Variants in MAF observed in about 807,000 individuals in gnomAD.
MAF encodes transcription factor Maf.
In MAF, 10 loss-of-function variants were observed where a neutral mutation model predicts 22.0. The ratio of observed to expected loss-of-function variants is 0.45; its 90% CI spans 0.28 to 0.77. The LOEUF (loss-of-function observed/expected upper bound fraction) is 0.77. Ranked by LOEUF, MAF falls within the 30% of genes least tolerant of loss-of-function variation. The pLI is 0.12. For missense variants in MAF, 544 were observed against 548.4 expected, an observed-to-expected ratio of 0.99 and a Z score of 0.08; for synonymous variants, 337 against 255.8, an observed-to-expected ratio of 1.32 and a Z score of -3.03.
At chr16:79,572,817 T>C in the MAF span, among the ~76,000 whole-genome samples, 43 of 152,276 alleles carry the variant, frequency 2.8e-4, no homozygotes, top group African/African-American at 9.1e-4. Context: ...TCCAGCTATA[T>C]CCAAAGTGCT....
At chr16:79,427,065 T>C in the MAF span, among the ~76,000 whole-genome samples, 1 of 152,198 alleles carries the variant, frequency 6.6e-6, no homozygotes, top group Admixed American at 6.5e-5. Flanking sequence ...CACCGAAAAG[T>C]CCAGAGTGAC....
the MAF span, among the ~76,000 whole-genome samples, chr16:79,454,250 G>A: frequency 6.6e-6 from 1 of 152,166 alleles, no homozygotes; most frequent in Non-Finnish European, 1.5e-5. Context: ...AAGCCCATAA[G>A]CCCTCAGGGC....
chr16:79,529,961 CA>C, the MAF span, among the ~76,000 whole-genome samples: 97,224 of 145,152 alleles, frequency 0.67, 35,517 homozygotes, highest in Non-Finnish European at 0.82. Context: ...AACTCCATCT[CA>C]AAAAAAAAAA....
chr16:79,282,955 C>G, the MAF span, among the ~76,000 whole-genome samples: 1 of 152,134 alleles, frequency 6.6e-6, no homozygotes. Flanking sequence ...GCAAAAATGA[C>G]AAGTTAGGAA....
At chr16:79,241,552 C>A in the MAF span, among the ~76,000 whole-genome samples, 1 of 151,786 alleles carries the variant, frequency 6.6e-6, no homozygotes, top group Admixed American at 6.6e-5. Context: ...GTGAAAAGAC[C>A]AAATCTACAT....
the MAF span, among the ~76,000 whole-genome samples, chr16:79,579,692 T>A: frequency 6.6e-6 from 1 of 152,194 alleles, no homozygotes; most frequent in Non-Finnish European, 1.5e-5. Flanking sequence ...CTCACTGCCT[T>A]CTCAATAGCT....
chr16:79,437,670 C>T, the MAF span, among the ~76,000 whole-genome samples: 2 of 152,076 alleles, frequency 1.3e-5, no homozygotes, highest in Non-Finnish European at 2.9e-5. Flanking sequence ...GTGGAGGGGA[C>T]TGGCCTCTGA....
At chr16:79,338,403 T>C in the MAF span, among the ~76,000 whole-genome samples, 1 of 152,174 alleles carries the variant, frequency 6.6e-6, no homozygotes, top group Admixed American at 6.5e-5. Context: ...AGATTTGCTT[T>C]TTAGAAATGT....
the MAF span, among the ~76,000 whole-genome samples, chr16:79,573,644 G>C: frequency 6.6e-6 from 1 of 152,110 alleles, no homozygotes; most frequent in Non-Finnish European, 1.5e-5. Flanking sequence ...ATAGATATTT[G>C]TTCAATGAAA....
At chr16:79,355,873 T>C in the MAF span, among the ~76,000 whole-genome samples, 1 of 152,184 alleles carries the variant, frequency 6.6e-6, no homozygotes, top group Non-Finnish European at 1.5e-5. Context: ...CAGAGGGAGA[T>C]GAGGCTCTTT....
At chr16:79,211,681 A>G in the MAF span, 1 of 1,614,212 alleles carries the variant, frequency 6.2e-7, no homozygotes, top group Non-Finnish European at 8.5e-7. Context: ...ATGTACTTCA[A>G]CAACTGCTGC....
chr16:79,487,635 C>T, the MAF span, among the ~76,000 whole-genome samples: 9 of 152,196 alleles, frequency 5.9e-5, no homozygotes, highest in East Asian at 1.2e-3. Context: ...ATATACCCTT[C>T]GGGGAAAAAA....
chr16:79,525,629 A>G, the MAF span, among the ~76,000 whole-genome samples: 2 of 152,250 alleles, frequency 1.3e-5, no homozygotes, highest in East Asian at 3.9e-4. Flanking sequence ...TTTTATTGCT[A>G]ATGGTTTTTA....
chr16:79,313,299 A>G, the MAF span, among the ~76,000 whole-genome samples: 1 of 152,164 alleles, frequency 6.6e-6, no homozygotes. Context: ...AGGGGGAAGA[A>G]AAAAAGTCCT....
the MAF span, among the ~76,000 whole-genome samples, chr16:79,570,042 C>T: frequency 1.8e-3 from 241 of 136,650 alleles, 3 homozygotes; most frequent in African/African-American, 6.6e-3. Flanking sequence ...GATCTTTCTT[C>T]CATTGATTTA....
chr16:79,229,916 A>G, the MAF span, among the ~76,000 whole-genome samples: 2 of 152,034 alleles, frequency 1.3e-5, no homozygotes, highest in African/African-American at 2.4e-5. Context: ...TCGTTTTTAT[A>G]GGCCTTTTGC....
At chr16:79,363,940 C>A in the MAF span, among the ~76,000 whole-genome samples, 1 of 152,148 alleles carries the variant, frequency 6.6e-6, no homozygotes, top group African/African-American at 2.4e-5. Context: ...GGAGATGCTA[C>A]CCATCCAGCC....
At chr16:79,291,052 G>T in the MAF span, among the ~76,000 whole-genome samples, 4 of 152,128 alleles carry the variant, frequency 2.6e-5, no homozygotes, top group East Asian at 7.7e-4. Flanking sequence ...GGTCTGTGAA[G>T]AGACTGCTTT....
chr16:79,306,828 T>C, the MAF span, among the ~76,000 whole-genome samples: 40 of 152,314 alleles, frequency 2.6e-4, 1 homozygote, highest in South Asian at 7.9e-3. Flanking sequence ...ACAAGCTACG[T>C]ACATTTCTGT....
Sources: allele counts gnomAD v4.1 joint callset (sites outside exome capture counted in the v4.1 genomes callset), GRCh38; gene constraint gnomAD v4.1.1; transcripts MANE v1.5; gene names NCBI Gene and HGNC (gene_info 2026-07-23, HGNC 2026-07-21).